MAN2A2: variants seen among roughly 807,000 people sequenced by gnomAD.
The protein encoded by MAN2A2 is mannosidase alpha class 2A member 2, also known as alpha-mannosidase 2x.
MAN2A2 carries 79 observed loss-of-function variants against 126.8 expected under a neutral mutation model. The observed-to-expected ratio is 0.62, with a 90% CI of 0.52 to 0.75. MAN2A2 has a LOEUF of 0.75. Ranked by LOEUF, MAN2A2 falls within the 30% of genes least tolerant of loss-of-function variation. MAN2A2 has a pLI of 0.00. For missense variants in MAN2A2, 1,392 were observed against 1,522.4 expected, an observed-to-expected ratio of 0.91 and a Z score of 1.43; for synonymous variants, 671 against 618.7, an observed-to-expected ratio of 1.08 and a Z score of -1.25.
Position 90,920,067 on chromosome 15 carries a change from C to T in MAN2A2, c.*280C>T. ...CTCTGCTTTGGGTTGTGAGTGGACA[C>T]CCAACTGGGCACAGGCTCAGGCACC... On this transcript the variant is annotated 3_prime_UTR_variant, in exon 23 of 23. Transcript: ENST00000559717. 2.6e-6 allele frequency: 1 copy of T among 385,268 alleles called. No individual in the cohort carries two copies. The highest frequency in any genetic ancestry group is 4.7e-6 in the Non-Finnish European group (1 of 210,942). 23.9% of individuals were successfully genotyped at this position (385,268 alleles called of 1,614,324 possible).
chr15:90,916,006 C>A, intron 19 of MAN2A2, 117 bp from the exon 20 acceptor site: 1 of 1,201,992 alleles, frequency 8.3e-7, no homozygotes. Flanking sequence ...AGTGACTCAG[C>A]TTCTGTCTCT....
intron 19 of MAN2A2, chr15:90,915,919 T>C: frequency 1.8e-6 from 1 of 542,036 alleles, no homozygotes; most frequent in East Asian, 3.0e-5. Flanking sequence ...TCATGCTTCC[T>C]CATCTGCAAA....
intron 19 of MAN2A2, among the ~76,000 whole-genome samples, chr15:90,914,845 G>T (rs1390396271): frequency 2.0e-5 from 3 of 152,170 alleles, no homozygotes; most frequent in Non-Finnish European, 4.4e-5. Context: ...GAATCAAGAC[G>T]GGCATGGGGA....
Position 90,904,225 on chromosome 15 carries a change from G to A in MAN2A2, c.18G>A (p.Gln6=), listed in dbSNP as rs1427254317. 1.2e-6 allele frequency: 2 copies of A among 1,614,208 alleles called. No homozygotes were observed. The highest frequency in any genetic ancestry group is 3.3e-5 in the Admixed American group (2 of 60,022). MKLKK[Q]VTVCGAAIFC... ...AGGCCAGTATGAAGCTGAAAAAGCAGGTGACAGTGTGTGGGGCTGCCATCT... is the reference window on the plus strand; with the variant it reads ...AGGCCAGTATGAAGCTGAAAAAGCAAGTGACAGTGTGTGGGGCTGCCATCT... Residue 6 remains glutamine (Q), a synonymous_variant, in exon 2 of 23, where the codon CAG becomes CAA. Coordinates refer to ENST00000559717, the MANE Select transcript of MAN2A2 (RefSeq NM_006122.4).
In MAN2A2 at chr15:90,920,044, C is replaced by G; in HGVS notation, c.*257C>G. The G allele has an allele frequency of 4.4e-6, 2 of 454,456 alleles. No homozygotes were observed. Among genetic ancestry groups the G allele is most frequent in the Non-Finnish European group, 4.0e-6 (1 of 251,630 alleles). The allele number at this position is 454,456 out of a possible 1,614,324, so 28.2% of individuals were successfully genotyped here. ...TGGTCAGAGTGGGCAGTGCCAGGCT[C>G]TGCTTTGGGTTGTGAGTGGACACCC... On this transcript the variant is annotated 3_prime_UTR_variant, in exon 23 of 23. Transcript: ENST00000559717.
At chr15:90,914,633 C>T (rs978100524) in intron 19 of MAN2A2, among the ~76,000 whole-genome samples, 1 of 152,180 alleles carries the variant, frequency 6.6e-6, no homozygotes, top group East Asian at 1.9e-4. Context: ...GATTCTCTTG[C>T]TTCAGCCTCC....
In MAN2A2 at chr15:90,906,006, G is replaced by T. The variant is rs2034251031; in HGVS notation, c.697G>T (p.Ala233Ser). Residue 233 changes from alanine (A) to serine (S), a missense_variant, in exon 5 of 23, where the codon GCA becomes TCA. Ala to Ser is a moderately conservative substitution (Grantham distance 99). Coordinates refer to ENST00000559717, the MANE Select transcript of MAN2A2 (RefSeq NM_006122.4). ...WDNINVQKRA[A>S]VRRLVGNGQL... is the part of the protein sequence containing the mutation. ...CAACATCAATGTCCAAAAGAGAGCG[G>T]CAGTCCGAAGGCCAGTACCAGGCGG... 1 of 1,613,876 alleles carries T rather than the reference G, an allele frequency of 6.2e-7. No individual in the cohort carries two copies. Among genetic ancestry groups the T allele is most frequent in the Non-Finnish European group, 8.5e-7 (1 of 1,180,030 alleles).
At chr15:90,903,944 C>G (rs925460350) in intron 1 of MAN2A2, 10 of 522,708 alleles carry the variant, frequency 1.9e-5, no homozygotes, top group Non-Finnish European at 3.5e-5. Flanking sequence ...CCAGTCGGAG[C>G]TGGGACTCTT....
rs773891966 is a variant in MAN2A2 at position 90,918,598 on chromosome 15, C to G, written c.3190-47C>G. Reference sequence around the variant, plus strand: ...GCAGAGGCGCTGCTGCATCTCCGATCTCTGAAAGCCCTGCGCCCACTTCCC... The same window carrying G: ...GCAGAGGCGCTGCTGCATCTCCGATGTCTGAAAGCCCTGCGCCCACTTCCC... On this transcript the variant is annotated intron_variant, in intron 21 of 22. Transcript: ENST00000559717. 1.3e-5 allele frequency: 18 copies of G among 1,373,846 alleles called. No individual in the cohort carries two copies. In the South Asian group the frequency reaches 2.1e-4, roughly 16 times the overall value. 85.1% of individuals were successfully genotyped at this position (1,373,846 alleles called of 1,614,324 possible).
chr15:90,919,260 GT>G (rs1360940898), intron 22 of MAN2A2, among the ~76,000 whole-genome samples: 1 of 152,226 alleles, frequency 6.6e-6, no homozygotes, highest in Non-Finnish European at 1.5e-5. Flanking sequence ...AGAAGGCATG[GT>G]GTTGCTGAGA....
intron 2 of MAN2A2, among the ~76,000 whole-genome samples, chr15:90,904,980 C>A (rs1358463141): frequency 6.6e-6 from 1 of 152,150 alleles, no homozygotes; most frequent in African/African-American, 2.4e-5. Flanking sequence ...ACAGGCAACA[C>A]CGATTGTTGA....
chr15:90,916,628 A>G, intron 20 of MAN2A2: 1 of 1,305,290 alleles, frequency 7.7e-7, no homozygotes. Context: ...TAGGGGCTTG[A>G]TCTTTCACAG....
At chr15:90,908,847 A>T (rs1408849156) in intron 8 of MAN2A2, among the ~76,000 whole-genome samples, 1 of 152,146 alleles carries the variant, frequency 6.6e-6, no homozygotes, top group Non-Finnish European at 1.5e-5. Flanking sequence ...AAGTGCTGGG[A>T]TTACAGGTGT....
Position 90,911,371 on chromosome 15 carries a change from CCTT to C in MAN2A2, c.1944-11_1944-9del. On this transcript the variant is annotated splice_polypyrimidine_tract_variant and intron_variant, in intron 13 of 22. Coordinates refer to ENST00000559717, the MANE Select transcript of MAN2A2 (RefSeq NM_006122.4). ...AGCAGCAGCCTCCTGGGTCAGCCCACCTTCTACGCACAGGTTTGTGGTCCTATT... is the reference window on the plus strand; with the variant it reads ...AGCAGCAGCCTCCTGGGTCAGCCCACCTACGCACAGGTTTGTGGTCCTATT... The C allele has an allele frequency of 6.2e-7, 1 of 1,614,054 alleles. No homozygotes were observed. The highest frequency in any genetic ancestry group is 8.5e-7 in the Non-Finnish European group (1 of 1,179,882).
In MAN2A2 at chr15:90,913,634, G is replaced by A. The variant is rs759317753; in HGVS notation, c.2739G>A (p.Leu913=). The A allele has an allele frequency of 4.3e-6, 7 of 1,612,730 alleles. No individual in the cohort carries two copies. The South Asian group carries it at 5.5e-5, about 13-fold the overall frequency. Residue 913 remains leucine, a synonymous_variant, in exon 19 of 23, where the codon CTG becomes CTA. Transcript: ENST00000559717. ...NGFQVQPRRY[L]KKLPLQANFY... is the part of the protein sequence containing the mutation. ...CACAGGTGCAGCCCCGACGGTATCTGAAGAAGCTCCCCCTCCAGGCCAACT... is the reference window on the plus strand; with the variant it reads ...CACAGGTGCAGCCCCGACGGTATCTAAAGAAGCTCCCCCTCCAGGCCAACT...
At chr15:90,905,205 T>C (rs753568129) in intron 2 of MAN2A2, 46 bp from the exon 3 acceptor site, 2 of 1,595,324 alleles carry the variant, frequency 1.3e-6, no homozygotes, top group South Asian at 1.1e-5. Flanking sequence ...AGACCCTCCC[T>C]GTGGCATAAG....
At chr15:90,916,368 G>C (rs1183655760) in intron 20 of MAN2A2, 112 bp downstream of exon 20, 3 of 1,408,432 alleles carry the variant, frequency 2.1e-6, no homozygotes, top group Admixed American at 3.9e-5. Flanking sequence ...AAGAGAGAGA[G>C]AGTAGGGCTG....
Position 90,920,651 on chromosome 15 carries a change from A to G in MAN2A2, c.*864A>G, listed in dbSNP as rs573033748. ...ATGGCAGGGAGTGGGGATTGGTCCT[A>G]CTTTCTTTCTCTGGAAAGGAAAGCC... On this transcript the variant is annotated 3_prime_UTR_variant, in exon 23 of 23. Coordinates refer to ENST00000559717, the MANE Select transcript of MAN2A2 (RefSeq NM_006122.4). 29 of 152,310 alleles carry G rather than the reference A, an allele frequency of 1.9e-4. No individual in the cohort carries two copies. Among genetic ancestry groups the G allele is most frequent in the African/African-American group, 7.0e-4 (29 of 41,566 alleles). The allele number at this position is 152,310 out of a possible 1,614,324, so 9.4% of individuals were successfully genotyped here.
chr15:90,905,346 G>A lies in MAN2A2; in HGVS notation c.228G>A (p.Leu76=), dbSNP rs2034182321. 2 of 1,613,926 alleles carry A rather than the reference G, an allele frequency of 1.2e-6. No individual in the cohort carries two copies. The highest frequency in any genetic ancestry group is 1.6e-4 in the Middle Eastern group (1 of 6,062). Reference sequence around the variant, plus strand: ...TCAGCCATATCAAGGACTCCGTGCTGGAGCTGACAGCCAACGCAGAGGGCC... The same window carrying A: ...TCAGCCATATCAAGGACTCCGTGCTAGAGCTGACAGCCAACGCAGAGGGCC... The part of the protein sequence containing the change: ...EIISHIKDSV[L]ELTANAEGPP... Residue 76 remains leucine, a synonymous_variant, in exon 3 of 23, where the codon CTG becomes CTA. Coordinates refer to ENST00000559717, the MANE Select transcript of MAN2A2 (RefSeq NM_006122.4).
Sources: allele counts gnomAD v4.1 joint callset (sites outside exome capture counted in the v4.1 genomes callset), GRCh38; gene constraint gnomAD v4.1.1; transcripts MANE v1.5; gene names NCBI Gene and HGNC (gene_info 2026-07-23, HGNC 2026-07-21).